RNLS: variants seen among roughly 807,000 people sequenced by gnomAD.
RNLS encodes the protein renalase, FAD dependent amine oxidase.
A neutral mutation model predicts 39.8 loss-of-function variants in RNLS; 39 were observed. The ratio of observed to expected loss-of-function variants is 0.98; its 90% CI spans 0.76 to 1.28. The LOEUF (loss-of-function observed/expected upper bound fraction) is 1.28, where lower values mean the gene tolerates loss of function less well. Among genes scored for constraint, RNLS ranks in the 50% most tolerant of loss-of-function variants. The pLI is 0.00. For synonymous variants in RNLS, 147 were observed against 150.7 expected (o/e 0.98, Z 0.18); for missense variants, 410 against 413.3 (o/e 0.99, Z 0.07).
At chr10:88,455,685 C>T (rs868261627) in intron 4 of RNLS, among the ~76,000 whole-genome samples, 1 of 152,096 alleles carries the variant, frequency 6.6e-6, no homozygotes, top group Non-Finnish European at 1.5e-5. Context: ...GAATTACAGG[C>T]GTGAGCCACC....
chr10:88,291,560 A>G (rs60888743), intron 6 of RNLS, among the ~76,000 whole-genome samples: 42,607 of 152,080 alleles, frequency 0.28, 6,122 homozygotes, highest in African/African-American at 0.36. Flanking sequence ...GGGCCTCAGC[A>G]TCCTTCTCTC....
intron 4 of RNLS, among the ~76,000 whole-genome samples, chr10:88,442,954 C>T (rs1451731321): frequency 6.6e-6 from 1 of 152,140 alleles, no homozygotes; most frequent in Non-Finnish European, 1.5e-5. Context: ...TTGGTATTTC[C>T]CCTTAAATTT....
chr10:88,579,605 T>C (rs1412469825), intron 3 of RNLS, among the ~76,000 whole-genome samples: 1 of 152,182 alleles, frequency 6.6e-6, no homozygotes, highest in Non-Finnish European at 1.5e-5. Flanking sequence ...AGTTAGTAAG[T>C]ACCTGATGAT....
At chr10:88,566,499 G>A (rs907483547) in intron 4 of RNLS, among the ~76,000 whole-genome samples, 11 of 152,066 alleles carry the variant, frequency 7.2e-5, no homozygotes, top group Non-Finnish European at 1.6e-4. Context: ...CCTAAGAAAT[G>A]AGCTGATGAA....
At chr10:88,294,587 A>G (rs1460613378) in intron 6 of RNLS, among the ~76,000 whole-genome samples, 1 of 152,166 alleles carries the variant, frequency 6.6e-6, no homozygotes, top group Non-Finnish European at 1.5e-5. Context: ...CGAAAATCCA[A>G]CAAAATGTTG....
intron 4 of RNLS, among the ~76,000 whole-genome samples, chr10:88,446,692 C>G (rs1399483798): frequency 6.6e-6 from 1 of 151,466 alleles, no homozygotes; most frequent in Non-Finnish European, 1.5e-5. Flanking sequence ...ACACCTCTAC[C>G]TGGCAGAGAC....
intron 4 of RNLS, among the ~76,000 whole-genome samples, chr10:88,553,554 C>A (rs1355773824): frequency 6.6e-6 from 1 of 152,138 alleles, no homozygotes; most frequent in African/African-American, 2.4e-5. Flanking sequence ...TTATATAGTA[C>A]ACAATTGTAG....
chr10:88,214,936 C>T, the RNLS span, among the ~76,000 whole-genome samples: 1 of 152,112 alleles, frequency 6.6e-6, no homozygotes, highest in South Asian at 2.1e-4. Flanking sequence ...ATGGTTTAGT[C>T]AAGGTATTTG....
At chr10:88,424,042 C>A (rs1431225112) in intron 4 of RNLS, among the ~76,000 whole-genome samples, 4 of 152,178 alleles carry the variant, frequency 2.6e-5, no homozygotes, top group Non-Finnish European at 4.4e-5. Flanking sequence ...CTCATTTCCA[C>A]CCCCTGCCCT....
chr10:88,240,406 CT>C, the RNLS span, among the ~76,000 whole-genome samples: 6 of 108,558 alleles, frequency 5.5e-5, no homozygotes, highest in South Asian at 8.4e-4. Context: ...GCAAAAAGTC[CT>C]TTTTTTAAAA....
At chr10:88,307,236 G>A (rs546977601) in intron 6 of RNLS, among the ~76,000 whole-genome samples, 139 of 152,216 alleles carry the variant, frequency 9.1e-4, no homozygotes, top group African/African-American at 3.0e-3. Flanking sequence ...CAAAAGCTAG[G>A]AGTATTCCCT....
chr10:88,530,393 T>A (rs925812804), intron 4 of RNLS, among the ~76,000 whole-genome samples: 1 of 152,198 alleles, frequency 6.6e-6, no homozygotes, highest in African/African-American at 2.4e-5. Context: ...CTGTTTCTTT[T>A]GTTTCTTTTT....
intron 4 of RNLS, among the ~76,000 whole-genome samples, chr10:88,392,612 A>G (rs792235): frequency 0.69 from 104,326 of 152,152 alleles, 36,640 homozygotes; most frequent in African/African-American, 0.84. Flanking sequence ...AAGAAATCAC[A>G]TATTAAATAA....
the RNLS span, among the ~76,000 whole-genome samples, chr10:88,237,242 C>CTCCA: frequency 6.9e-6 from 1 of 144,668 alleles, no homozygotes; most frequent in Non-Finnish European, 1.5e-5. Context: ...CCCTCCCTCC[C>CTCCA]TTCCTTCCTT....
intron 4 of RNLS, among the ~76,000 whole-genome samples, chr10:88,558,266 G>C (rs1848980075): frequency 1.3e-5 from 2 of 152,156 alleles, no homozygotes; most frequent in African/African-American, 4.8e-5. Flanking sequence ...CCACTCAACA[G>C]CTAGAGAGCC....
intron 6 of RNLS, among the ~76,000 whole-genome samples, chr10:88,276,812 T>C (rs896560771): frequency 1.3e-5 from 2 of 152,232 alleles, no homozygotes; most frequent in Admixed American, 1.3e-4. Flanking sequence ...AATCCCACTG[T>C]GATTTTGTGC....
At chr10:88,491,798 A>C (rs1275423932) in intron 4 of RNLS, among the ~76,000 whole-genome samples, 19 of 152,180 alleles carry the variant, frequency 1.2e-4, no homozygotes. Context: ...TGCTATAATT[A>C]TCACTGATAA....
At chr10:88,179,368 T>C in the RNLS span, among the ~76,000 whole-genome samples, 1 of 152,168 alleles carries the variant, frequency 6.6e-6, no homozygotes. Context: ...GCAGGCTAGT[T>C]AGTAGAATGT....
intron 5 of RNLS, among the ~76,000 whole-genome samples, chr10:88,355,773 C>A (rs1314519219): frequency 6.6e-6 from 1 of 152,240 alleles, no homozygotes; most frequent in African/African-American, 2.4e-5. Flanking sequence ...GCAGAGGTTT[C>A]TGCTGCCTTT....
Sources: gnomAD v4.1 joint callset for allele counts (sites outside exome capture counted in the v4.1 genomes callset) on GRCh38, gnomAD v4.1.1 for gene constraint, MANE v1.5 for transcripts, NCBI Gene and HGNC (gene_info 2026-07-23, HGNC 2026-07-21) for gene names.